RWDD4: variants seen among roughly 807,000 people sequenced by gnomAD.
RWDD4 encodes RWD domain-containing protein 4.
In RWDD4, 16 loss-of-function variants were observed where a neutral mutation model predicts 30.0. That is an observed-to-expected ratio of 0.53 (90% CI 0.36 to 0.81). RWDD4 has a LOEUF of 0.81. Among genes scored for constraint, RWDD4 ranks in the 30% least tolerant of loss-of-function variants. The pLI is 0.00. For synonymous variants in RWDD4, 45 were observed against 72.1 expected, an observed-to-expected ratio of 0.62 and a Z score of 1.90; for missense variants, 170 against 223.9, an observed-to-expected ratio of 0.76 and a Z score of 1.54.
In RWDD4 at chr4:183,658,980, C is replaced by A; in HGVS notation, c.-28G>T. The A allele has an allele frequency of 7.9e-7, 1 of 1,269,790 alleles. No individual in the cohort carries two copies. Among genetic ancestry groups the A allele is most frequent in the Non-Finnish European group, 9.9e-7 (1 of 1,008,646 alleles). 78.7% of individuals were successfully genotyped at this position (1,269,790 alleles called of 1,614,324 possible). A position where few individuals can be genotyped will look rare whatever the true frequency, so the allele number is the denominator to read the frequency against. On this transcript the variant is annotated 5_prime_UTR_variant, in exon 1 of 8. Transcript: ENST00000326397. ...CGCCGGTCGCGGGGCGCCTCCTGAG[C>A]GGACGGCGTTCGCAACAACGAAGAG...
In RWDD4 at chr4:183,658,971, C is replaced by A; in HGVS notation, c.-19G>T. 1 of 1,273,808 alleles carries A rather than the reference C, an allele frequency of 7.9e-7. No individual in the cohort carries two copies. The highest frequency in any genetic ancestry group is 2.9e-5 in the East Asian group (1 of 34,586). 78.9% of individuals were successfully genotyped at this position (1,273,808 alleles called of 1,614,324 possible). On this transcript the variant is annotated 5_prime_UTR_variant, in exon 1 of 8. Coordinates refer to ENST00000326397, the MANE Select transcript of RWDD4 (RefSeq NM_152682.4). ...CACTCATCGCGCCGGTCGCGGGGCG[C>A]CTCCTGAGCGGACGGCGTTCGCAAC...
intron 2 of RWDD4, among the ~76,000 whole-genome samples, chr4:183,654,465 T>C (rs1734144868): frequency 6.6e-6 from 1 of 152,210 alleles, no homozygotes; most frequent in South Asian, 2.1e-4. Context: ...ACTTTACCCC[T>C]GGCCCTTTGA....
At chr4:183,650,758 T>C (rs1043882292) in intron 4 of RWDD4, among the ~76,000 whole-genome samples, 8 of 152,198 alleles carry the variant, frequency 5.3e-5, no homozygotes, top group South Asian at 2.1e-4. Flanking sequence ...GCATGTTATA[T>C]ATATTCTAGT....
rs759477785 is a variant in RWDD4, at chr4:183,658,922, G to C, written c.24+7C>G. 57 of 1,269,298 alleles carry C rather than the reference G, an allele frequency of 4.5e-5. No individual in the cohort carries two copies. Among genetic ancestry groups the C allele is most frequent in the Non-Finnish European group, 4.9e-5 (49 of 1,008,874 alleles). The allele number at this position is 1,269,298 out of a possible 1,614,324, so 78.6% of individuals were successfully genotyped here. On this transcript the variant is annotated splice_region_variant and intron_variant, in intron 1 of 7. Transcript: ENST00000326397. ...GCTGGGAGAGGGCCCTGAGCCGGGG[G>C]GCTCACCTCCTGGTCCTCGTTGGCA...
chr4:183,646,523 G>T lies in RWDD4; in HGVS notation c.496C>A (p.Leu166Ile). 6.2e-7 allele frequency: 1 copy of T among 1,611,772 alleles called. No homozygotes were observed. The highest frequency in any genetic ancestry group is 8.5e-7 in the Non-Finnish European group (1 of 1,179,542). ...TCAACCCAGTTCCAGCCTCGAGGAA[G>T]TTCTCCTTTGTGATCTAGAAGATAA... ...LADKTDHKGELPRGWNWVDVV... is the reference protein window; with the variant it reads ...LADKTDHKGEIPRGWNWVDVV... The change falls in exon 6 of 8, where the codon CTT becomes ATT. Residue 166 changes from leucine (L) to isoleucine (I), a missense_variant. Leu to Ile is a conservative substitution (Grantham distance 5, BLOSUM62 2). Coordinates refer to ENST00000326397, the MANE Select transcript of RWDD4 (RefSeq NM_152682.4).
Position 183,645,527 on chromosome 4 carries a change from T to C in RWDD4, c.534+824A>G, listed in dbSNP as rs144097017. On this transcript the variant is annotated intron_variant, in intron 7 of 7. Coordinates refer to ENST00000326397, the MANE Select transcript of RWDD4 (RefSeq NM_152682.4). ...GCTGCCGCCGGCAATCCCAGCACGT[T>C]GTGAGGCCGAGGTAGCAGGATCACC... Among the ~76,000 whole-genome samples the C allele has an allele frequency of 8.2e-3, 1,229 of 150,556 alleles. 17 individuals are homozygous for C. Among genetic ancestry groups the C allele is most frequent in the African/African-American group, 0.029 (1,186 of 40,854 alleles).
At chr4:183,656,847 G>A (rs1734204611) in intron 1 of RWDD4, among the ~76,000 whole-genome samples, 1 of 152,184 alleles carries the variant, frequency 6.6e-6, no homozygotes, top group African/African-American at 2.4e-5. Flanking sequence ...CCAACACGGT[G>A]AAACCCCATC....
intron 5 of RWDD4, among the ~76,000 whole-genome samples, chr4:183,648,845 C>CT (rs1325573764): frequency 9.2e-4 from 136 of 147,762 alleles, no homozygotes; most frequent in African/African-American, 3.1e-3. Context: ...TAAATATTTT[C>CT]TTTTTTTTTT....
intron 2 of RWDD4, among the ~76,000 whole-genome samples, chr4:183,651,615 T>C (rs1406520081): frequency 6.6e-6 from 1 of 152,174 alleles, no homozygotes; most frequent in Non-Finnish European, 1.5e-5. Context: ...ATCTTAGGTA[T>C]TTTTTAGTGT....
chr4:183,646,315 A>C (rs762234238), intron 7 of RWDD4, 36 bp downstream of exon 7: 3 of 880,324 alleles, frequency 3.4e-6, no homozygotes, highest in Non-Finnish European at 3.8e-6. Context: ...AGTGCAGGGA[A>C]AAGAAGAATG....
Position 183,659,139 on chromosome 4 carries a change from G to C in RWDD4, c.-187C>G, listed in dbSNP as rs536622592. ...CGGCAGCGCCCAGCCGCCGGCAGTGGGCTGTGGGCTACGAGCCGGAGCCGC... is the reference window on the plus strand; with the variant it reads ...CGGCAGCGCCCAGCCGCCGGCAGTGCGCTGTGGGCTACGAGCCGGAGCCGC... On this transcript the variant is annotated 5_prime_UTR_variant, in exon 1 of 8. Transcript: ENST00000326397. 9.5e-6 allele frequency: 4 copies of C among 422,570 alleles called. No homozygotes were observed. The highest frequency in any genetic ancestry group is 4.1e-5 in the African/African-American group (2 of 48,950). The allele number at this position is 422,570 out of a possible 1,614,324, so 26.2% of individuals were successfully genotyped here.
intron 5 of RWDD4, among the ~76,000 whole-genome samples, chr4:183,647,597 A>G (rs1733988509): frequency 6.6e-6 from 1 of 152,208 alleles, no homozygotes. Context: ...GGCATCATCA[A>G]AGAGATGAAG....
Position 183,649,495 on chromosome 4 carries a change from T to A in RWDD4, c.437A>T (p.Glu146Val). 1.2e-6 allele frequency: 2 copies of A among 1,613,392 alleles called. No individual in the cohort carries two copies. The highest frequency in any genetic ancestry group is 1.7e-6 in the Non-Finnish European group (2 of 1,179,520). The part of the protein sequence containing the change: ...APSSKKKDKK[E>V]QLSKAQKRKL... Reference sequence around the variant, plus strand: ...ACGCTTCTGGGCTTTTGAAAGTTGTTCTTTTTTGTCTTTTTTCTTACTTGA... The same window carrying A: ...ACGCTTCTGGGCTTTTGAAAGTTGTACTTTTTTGTCTTTTTTCTTACTTGA... The change falls in exon 5 of 8, where the codon GAA becomes GTA. Residue 146 changes from glutamate to valine, a missense_variant. Physicochemically the swap from Glu to Val is moderately radical, Grantham distance 121. Transcript: ENST00000326397.
chr4:183,651,898 A>C (rs577702645), intron 2 of RWDD4, among the ~76,000 whole-genome samples: 10 of 152,338 alleles, frequency 6.6e-5, no homozygotes, highest in African/African-American at 2.2e-4. Flanking sequence ...CTTTTTATTT[A>C]AACATTTTTA....
intron 7 of RWDD4, among the ~76,000 whole-genome samples, chr4:183,645,526 T>G (rs1733950405): frequency 6.6e-6 from 1 of 151,120 alleles, no homozygotes; most frequent in Non-Finnish European, 1.5e-5. Flanking sequence ...TCCCAGCACG[T>G]TGTGAGGCCG....
At chr4:183,657,251 C>A (rs1302817904) in intron 1 of RWDD4, among the ~76,000 whole-genome samples, 4 of 150,610 alleles carry the variant, frequency 2.7e-5, no homozygotes, top group African/African-American at 9.7e-5. Flanking sequence ...ACAGAAAAAA[C>A]AAAAAAAAAC....
chr4:183,642,324 G>A (rs1238355441), intron 7 of RWDD4, among the ~76,000 whole-genome samples: 1 of 127,568 alleles, frequency 7.8e-6, no homozygotes, highest in Non-Finnish European at 1.6e-5. Flanking sequence ...CAAGTAGCTG[G>A]GACTACAGGC....
chr4:183,644,598 G>GC (rs1266309671), intron 7 of RWDD4, among the ~76,000 whole-genome samples: 1 of 151,946 alleles, frequency 6.6e-6, no homozygotes, highest in African/African-American at 2.4e-5. Flanking sequence ...GGTCTACATG[G>GC]CGAAAGCCCA....
At chr4:183,644,689 G>A (rs541427300) in intron 7 of RWDD4, among the ~76,000 whole-genome samples, 4 of 152,140 alleles carry the variant, frequency 2.6e-5, no homozygotes, top group African/African-American at 9.6e-5. Flanking sequence ...TGTGGCACAA[G>A]AATTGCTTGA....
Sources: gnomAD v4.1 joint callset for allele counts (sites outside exome capture counted in the v4.1 genomes callset) on GRCh38, gnomAD v4.1.1 for gene constraint, MANE v1.5 for transcripts, NCBI Gene and HGNC (gene_info 2026-07-23, HGNC 2026-07-21) for gene names.